NCOA3: variants seen among roughly 807,000 people sequenced by gnomAD.
The protein encoded by NCOA3 is nuclear receptor coactivator 3, also known as CBP-interacting protein.
Under a neutral mutation model 158.8 loss-of-function variants are expected in NCOA3, and 51 were observed. The ratio of observed to expected loss-of-function variants is 0.32; its 90% CI spans 0.26 to 0.41. The LOEUF is 0.41. NCOA3 is among the 10% of genes least tolerant of loss of function. The probability of loss-of-function intolerance (pLI) is 1.00; values close to 1 mark genes in which losing one functional copy is unlikely to be tolerated. For missense variants in NCOA3, 1,510 were observed against 1,746.6 expected (o/e 0.86, Z 2.41); for synonymous variants, 537 against 592.4 (o/e 0.91, Z 1.36).
At chr20:47,574,874 GT>G (rs2085348964) in intron 1 of NCOA3, among the ~76,000 whole-genome samples, 1 of 152,178 alleles carries the variant, frequency 6.6e-6, no homozygotes, top group Admixed American at 6.5e-5. Flanking sequence ...TATGTAAAAT[GT>G]TCTTGTACAT....
At chr20:47,596,202 T>TA (rs1439868343) in intron 2 of NCOA3, among the ~76,000 whole-genome samples, 1 of 152,208 alleles carries the variant, frequency 6.6e-6, no homozygotes, top group Non-Finnish European at 1.5e-5. Flanking sequence ...TAACTTCATT[T>TA]AAAAAACTTT....
chr20:47,647,057 A>G lies in NCOA3; in HGVS notation c.3253-16A>G. The stretch of plus-strand genomic sequence containing the variant: ...CATAGATGTTCTTCACTGTTCTTTT[A>G]TGTGTTGTGTTTAAGGGACAGGCAT... On this transcript the variant is annotated splice_polypyrimidine_tract_variant and intron_variant, in intron 17 of 22. Transcript: ENST00000371998. 1.2e-6 allele frequency: 2 copies of G among 1,602,600 alleles called. No individual in the cohort carries two copies. Among genetic ancestry groups the G allele is most frequent in the South Asian group, 1.1e-5 (1 of 89,972 alleles).
intron 1 of NCOA3, among the ~76,000 whole-genome samples, chr20:47,534,267 A>T (rs1416267291): frequency 3.9e-5 from 2 of 50,928 alleles, no homozygotes; most frequent in Non-Finnish European, 8.1e-5. Context: ...GGGATTCTTT[A>T]AAAAAAAAAA....
chr20:47,589,900 T>C (rs1346003610), intron 2 of NCOA3, among the ~76,000 whole-genome samples: 6 of 143,110 alleles, frequency 4.2e-5, no homozygotes, highest in South Asian at 4.2e-4. Context: ...CCCATAAACA[T>C]TGACTTCTTG....
intron 2 of NCOA3, among the ~76,000 whole-genome samples, chr20:47,595,848 T>A (rs2085746286): frequency 6.6e-6 from 1 of 152,154 alleles, no homozygotes; most frequent in African/African-American, 2.4e-5. Context: ...AACTGTACTT[T>A]CATCTAGCTC....
At chr20:47,509,677 A>G (rs6012197) in intron 1 of NCOA3, among the ~76,000 whole-genome samples, 148,555 of 152,206 alleles carry the variant, frequency 0.98, 72,594 homozygotes, top group Middle Eastern at 1. Flanking sequence ...GGAGGCTGAG[A>G]CCAGAGACTT....
intron 1 of NCOA3, among the ~76,000 whole-genome samples, chr20:47,543,502 C>CT (rs1157833460): frequency 3.3e-4 from 50 of 151,334 alleles, no homozygotes; most frequent in African/African-American, 1.2e-3. Flanking sequence ...TTCTTTCTTT[C>CT]TTCTTCTTCT....
chr20:47,640,880 T>G (rs1009548723), intron 16 of NCOA3, among the ~76,000 whole-genome samples: 3 of 150,830 alleles, frequency 2.0e-5, no homozygotes, highest in African/African-American at 7.3e-5. Context: ...AGAGTGAGAC[T>G]CCGTCTCTAA....
intron 1 of NCOA3, among the ~76,000 whole-genome samples, chr20:47,560,028 C>T (rs1484420458): frequency 6.6e-6 from 1 of 152,086 alleles, no homozygotes; most frequent in African/African-American, 2.4e-5. Context: ...TCAATCAGTC[C>T]ACCCACCTTG....
At chr20:47,603,295 C>T (rs2085893018) in intron 2 of NCOA3, among the ~76,000 whole-genome samples, 1 of 152,246 alleles carries the variant, frequency 6.6e-6, no homozygotes, top group Admixed American at 6.5e-5. Flanking sequence ...CCCTGACCCC[C>T]CTCACAGGAC....
chr20:47,557,217 A>C (rs2085020916), intron 1 of NCOA3, among the ~76,000 whole-genome samples: 1 of 150,602 alleles, frequency 6.6e-6, no homozygotes, highest in Admixed American at 6.6e-5. Flanking sequence ...ATTGCTTTTC[A>C]GAAAGCTTTA....
intron 2 of NCOA3, among the ~76,000 whole-genome samples, chr20:47,606,481 A>G: frequency 6.8e-6 from 1 of 147,580 alleles, no homozygotes; most frequent in Non-Finnish European, 1.5e-5. Flanking sequence ...GCTCATAAAG[A>G]AAAAAAAAAA....
intron 2 of NCOA3, among the ~76,000 whole-genome samples, chr20:47,597,532 A>G (rs1392438648): frequency 7.0e-6 from 1 of 142,608 alleles, no homozygotes; most frequent in Non-Finnish European, 1.5e-5. Flanking sequence ...TCTGTCGCCT[A>G]GGCTGGAGTG....
intron 1 of NCOA3, among the ~76,000 whole-genome samples, chr20:47,548,568 A>G (rs866358257): frequency 6.6e-6 from 1 of 151,998 alleles, no homozygotes; most frequent in African/African-American, 2.4e-5. Flanking sequence ...AAATAAAAAT[A>G]AAAATTAAAA....
rs2086506172 is a variant in NCOA3 at position 47,635,927 on chromosome 20, G to A, written c.1541G>A (p.Gly514Glu). The change falls in exon 12 of 23, where the codon GGG (glycine) becomes GAG (glutamate). Residue 514 changes from glycine to glutamate, a missense_variant. Physicochemically the swap from Gly to Glu is moderately conservative, Grantham distance 98. Transcript: ENST00000371998. ...HSPMASSGNT[G>E]NHSFSSSSLS... ...CCCATGGCATCTTCTGGCAATACTGGGAACCACAGCTTTTCCAGCAGCTCT... is the reference window on the plus strand; with the variant it reads ...CCCATGGCATCTTCTGGCAATACTGAGAACCACAGCTTTTCCAGCAGCTCT... 6.2e-7 allele frequency: 1 copy of A among 1,613,646 alleles called. No individual in the cohort carries two copies. The highest frequency in any genetic ancestry group is 1.3e-5 in the African/African-American group (1 of 74,780).
chr20:47,635,300 A>C, intron 10 of NCOA3, 22 bp from the exon 11 acceptor site: 1 of 1,536,634 alleles, frequency 6.5e-7, no homozygotes, highest in Non-Finnish European at 8.8e-7. Context: ...TTTTTAGTAA[A>C]AGTTTGATGT....
In NCOA3 at chr20:47,651,070, T is replaced by TGCAGCAGCAGCAGCA. The variant is rs3830810; in HGVS notation, c.3747_3761dup (p.Gln1272_Gln1276dup). On this transcript the variant is annotated inframe_insertion, in exon 20 of 23. Coordinates refer to ENST00000371998, the MANE Select transcript of NCOA3 (RefSeq NM_181659.3). ...CGACAACAGAGGGTGGCTATGATGATGCAGCAGCAGCAGCAGCAGCAACAG... is the reference window on the plus strand; with the variant it reads ...CGACAACAGAGGGTGGCTATGATGATGCAGCAGCAGCAGCAGCAGCAGCAGCAGCAGCAGCAACAG... 2 of 1,605,444 alleles carry TGCAGCAGCAGCAGCA rather than the reference T, an allele frequency of 1.2e-6. No homozygotes were observed. Among genetic ancestry groups the TGCAGCAGCAGCAGCA allele is most frequent in the Non-Finnish European group, 1.7e-6 (2 of 1,175,286 alleles).
intron 2 of NCOA3, among the ~76,000 whole-genome samples, chr20:47,591,101 T>A (rs1311631391): frequency 6.6e-6 from 1 of 152,030 alleles, no homozygotes; most frequent in Non-Finnish European, 1.5e-5. Context: ...CAGAGTAAGA[T>A]TGTGTCTCAA....
At chr20:47,540,846 ATTGT>A (rs1602371778) in intron 1 of NCOA3, among the ~76,000 whole-genome samples, 2 of 152,240 alleles carry the variant, frequency 1.3e-5, no homozygotes, top group South Asian at 2.1e-4. Context: ...GGAAGAAATG[ATTGT>A]TTGGGGCTGG....
Sources: gnomAD v4.1 joint callset for allele counts (sites outside exome capture counted in the v4.1 genomes callset) on GRCh38, gnomAD v4.1.1 for gene constraint, MANE v1.5 for transcripts, NCBI Gene and HGNC (gene_info 2026-07-23, HGNC 2026-07-21) for gene names.